The following PLEKHH1 variants were observed in gnomAD, a reference collection of about 807,000 sequenced individuals.
The protein encoded by PLEKHH1 is pleckstrin homology, MyTH4 and FERM domain containing H1, also known as pleckstrin homology domain-containing family H member 1.
PLEKHH1 carries 104 observed loss-of-function variants against 160.0 expected under a neutral mutation model. The observed-to-expected ratio is 0.65, with a 90% confidence interval of 0.55 to 0.76. PLEKHH1 has a LOEUF of 0.76. Among genes scored for constraint, PLEKHH1 ranks in the 30% least tolerant of loss-of-function variants. PLEKHH1 has a pLI of 0.00. For synonymous variants in PLEKHH1, 619 were observed against 678.4 expected (o/e 0.91, Z 1.36); for missense variants, 1,427 against 1,724.1 (o/e 0.83, Z 3.05).
intron 9 of PLEKHH1, chr14:67,571,289 A>G (rs1249685930): frequency 6.2e-6 from 1 of 161,942 alleles, no homozygotes; most frequent in Non-Finnish European, 1.4e-5. Flanking sequence ...CCTTCTAAAA[A>G]TGCCTTACAC....
chr14:67,566,589 G>C (rs568963194), intron 7 of PLEKHH1, among the ~76,000 whole-genome samples: 1 of 152,072 alleles, frequency 6.6e-6, no homozygotes, highest in South Asian at 2.1e-4. Context: ...TACCAAAAAA[G>C]ATACAAAAAT....
chr14:67,549,860 A>G (rs2034326412), intron 2 of PLEKHH1, among the ~76,000 whole-genome samples: 1 of 152,254 alleles, frequency 6.6e-6, no homozygotes. Context: ...TTGCTAAAGA[A>G]AAGCTCTGTG....
At chr14:67,585,880 A>T in intron 27 of PLEKHH1, 71 bp from the exon 28 acceptor site, 1 of 1,487,660 alleles carries the variant, frequency 6.7e-7, no homozygotes, top group Non-Finnish European at 9.2e-7. Context: ...TAGAAGAGAC[A>T]GGGGATGCTG....
intron 2 of PLEKHH1, among the ~76,000 whole-genome samples, chr14:67,548,026 T>G (rs1362314514): frequency 6.6e-6 from 1 of 152,150 alleles, no homozygotes; most frequent in Admixed American, 6.5e-5. Flanking sequence ...TTTCTTCCAG[T>G]AGAGGAGGCT....
At position 67,575,863 on chromosome 14, in the gene PLEKHH1, AG is replaced by A. The variant is rs748582481; in HGVS notation, c.2212del (p.Glu738LysfsTer2). 1 of 1,613,948 alleles carries A rather than the reference AG, an allele frequency of 6.2e-7. No individual in the cohort carries two copies. Among genetic ancestry groups the A allele is most frequent in the Non-Finnish European group, 8.5e-7 (1 of 1,179,848 alleles). Reference protein sequence around the residue: ...GCLPVRDAHIEEVDRSCDSDE... With the variant: ...GCLPVRDAHIXEVDRSCDSDE... ...CTGCCTGTGCGGGATGCGCACATAG[AG>A]GAAGTAGATCGATCCTGTGACTCAG... is the stretch of plus-strand genomic sequence containing the variant. On this transcript the variant is annotated frameshift_variant, in exon 16 of 29. Coordinates refer to ENST00000329153, the MANE Select transcript of PLEKHH1 (RefSeq NM_020715.3). LOFTEE classifies it high-confidence loss of function.
intron 1 of PLEKHH1, among the ~76,000 whole-genome samples, chr14:67,541,156 G>T (rs1215417597): frequency 1.3e-5 from 2 of 152,204 alleles, no homozygotes; most frequent in Non-Finnish European, 1.5e-5. Context: ...ATAGAAGATT[G>T]TCAAAGACAT....
In PLEKHH1 at chr14:67,538,167, T is replaced by C. The variant is rs374627109; in HGVS notation, c.-34-3667T>C. 2.4e-4 allele frequency among the ~76,000 whole-genome samples: 36 copies of C among 152,338 alleles called. No individual in the cohort carries two copies. The East Asian group carries it at 3.1e-3, about 13-fold the overall frequency. On this transcript the variant is annotated intron_variant, in intron 1 of 28. Transcript: ENST00000329153. ...TTTCCAGCTCACTTCCCCTCTCTCA[T>C]TTCCCCATTTATTTTTTGCCATTAA...
rs1358553170 is a variant in PLEKHH1 at position 67,575,373 on chromosome 14, G to A, written c.2089-19G>A. The A allele has an allele frequency of 2.0e-6, 3 of 1,532,044 alleles. No homozygotes were observed. The highest frequency in any genetic ancestry group is 1.8e-6 in the Non-Finnish European group (2 of 1,113,678). 94.9% of individuals were successfully genotyped at this position (1,532,044 alleles called of 1,614,324 possible). On this transcript the variant is annotated intron_variant, in intron 14 of 28. Transcript: ENST00000329153. Reference sequence around the variant, plus strand: ...GAGTTACCTAGTTCTCATAATGCCAGTTCATTTCTGTCTTACAGGTAAAGC... The same window carrying A: ...GAGTTACCTAGTTCTCATAATGCCAATTCATTTCTGTCTTACAGGTAAAGC...
intron 28 of PLEKHH1, 188 bp downstream of exon 28, chr14:67,586,285 A>G (rs182009975): frequency 2.4e-4 from 256 of 1,087,280 alleles, no homozygotes; most frequent in Non-Finnish European, 2.6e-4. Context: ...TTCAGCTAGT[A>G]GGTAAAGGGA....
At position 67,587,498 on chromosome 14, in the gene PLEKHH1, C is replaced by G. The variant is rs1781294879; in HGVS notation, c.*263C>G. The G allele has an allele frequency of 2.0e-6, 1 of 489,022 alleles. No individual in the cohort carries two copies. The highest frequency in any genetic ancestry group is 3.7e-6 in the Non-Finnish European group (1 of 269,208). The allele number at this position is 489,022 out of a possible 1,614,324, so 30.3% of individuals were successfully genotyped here. On this transcript the variant is annotated 3_prime_UTR_variant, in exon 29 of 29. Coordinates refer to ENST00000329153, the MANE Select transcript of PLEKHH1 (RefSeq NM_020715.3). ...TAATGACTCCAGATGCTACCTGATTCTAGACATAGACAGGGATGATCCACT... is the reference window on the plus strand; with the variant it reads ...TAATGACTCCAGATGCTACCTGATTGTAGACATAGACAGGGATGATCCACT...
At chr14:67,571,040 A>G (rs140107005) in intron 9 of PLEKHH1, 4 of 152,348 alleles carry the variant, frequency 2.6e-5, no homozygotes, top group African/African-American at 9.6e-5. Context: ...CTCCTTCTAT[A>G]GGTGTCCAGT....
chr14:67,563,170 T>A (rs1228362750), intron 7 of PLEKHH1, among the ~76,000 whole-genome samples: 2 of 152,224 alleles, frequency 1.3e-5, no homozygotes, highest in African/African-American at 4.8e-5. Context: ...TCTCATTTAA[T>A]CTTTGTGAGT....
At chr14:67,558,649 G>C (rs1479619164) in intron 4 of PLEKHH1, among the ~76,000 whole-genome samples, 3 of 152,200 alleles carry the variant, frequency 2.0e-5, no homozygotes, top group African/African-American at 7.2e-5. Flanking sequence ...AAAAGGCACT[G>C]TTTTGTGAGT....
chr14:67,560,246 C>T (rs1475777474), intron 5 of PLEKHH1, among the ~76,000 whole-genome samples: 4 of 152,018 alleles, frequency 2.6e-5, no homozygotes, highest in African/African-American at 4.8e-5. Flanking sequence ...AGGCTGGTCT[C>T]GAACTCCTGA....
intron 22 of PLEKHH1, among the ~76,000 whole-genome samples, chr14:67,580,647 G>A (rs2035850502): frequency 6.6e-6 from 1 of 152,252 alleles, no homozygotes; most frequent in Admixed American, 6.5e-5. Flanking sequence ...TGGAGCTGGT[G>A]TTCGAAGGCC....
In PLEKHH1 at chr14:67,585,593, A is replaced by T. The variant is rs1437511756; in HGVS notation, c.3725A>T (p.Asn1242Ile). The change falls in exon 27 of 29, where the codon AAC (asparagine) becomes ATC (isoleucine). Residue 1242 changes from asparagine (N) to isoleucine (I), a missense_variant. By Grantham distance (149) the Asn-to-Ile change is moderately radical. This residue lies in a region of PLEKHH1 where 56 missense variants were observed against 53.0 expected (regional missense o/e 1.06). Transcript: ENST00000329153. ...AQPAQLSSKE[N>I]ALVWIAVNED... is the part of the protein sequence containing the mutation. ...CCTGCCCAGCTGTCTTCCAAGGAGA[A>T]CGCTCTGGTGTGGATTGCTGTGAAT... 1.6e-5 allele frequency: 26 copies of T among 1,584,714 alleles called. No individual in the cohort carries two copies. Among genetic ancestry groups the T allele is most frequent in the Non-Finnish European group, 2.2e-5 (26 of 1,164,414 alleles).
Position 67,579,851 on chromosome 14 carries a change from A to T in PLEKHH1, c.3158A>T (p.Glu1053Val). 1 of 1,604,986 alleles carries T rather than the reference A, an allele frequency of 6.2e-7. No homozygotes were observed. Among genetic ancestry groups the T allele is most frequent in the South Asian group, 1.1e-5 (1 of 88,918 alleles). The change falls in exon 22 of 29, where the codon GAG (glutamate) becomes GTG (valine). Residue 1053 changes from glutamate to valine, a missense_variant. Glu to Val is a moderately radical substitution (Grantham distance 121). This residue lies in a region of PLEKHH1 where 436 missense variants were observed against 607.5 expected (regional missense o/e 0.72). Coordinates refer to ENST00000329153, the MANE Select transcript of PLEKHH1 (RefSeq NM_020715.3). ...FTDDPSGRDL[E>V]HCLQGSVKIC... ...GACGATCCCTCGGGCAGGGACCTGG[A>T]GCACTGCCTGCAGGGAAGTGTCAAG...
At position 67,555,811 on chromosome 14, in the gene PLEKHH1, C is replaced by G; in HGVS notation, c.127-14C>G. The G allele has an allele frequency of 6.2e-7, 1 of 1,612,960 alleles. No individual in the cohort carries two copies. Among genetic ancestry groups the G allele is most frequent in the Non-Finnish European group, 8.5e-7 (1 of 1,179,456 alleles). On this transcript the variant is annotated splice_polypyrimidine_tract_variant and intron_variant, in intron 2 of 28. Transcript: ENST00000329153. Reference sequence around the variant, plus strand: ...CATGGCACCTACATCTCCCCTTTCTCTCTGGCCAAGCAGATGCAGGAGCTG... The same window carrying G: ...CATGGCACCTACATCTCCCCTTTCTGTCTGGCCAAGCAGATGCAGGAGCTG...
rs765227940 is a variant in PLEKHH1, at chr14:67,562,010, G to A, written c.480G>A (p.Val160=). Residue 160 remains valine (V), a synonymous_variant, in exon 6 of 29, where the codon GTG becomes GTA. Transcript: ENST00000329153. ...ATAATCAGCGCCTGGTGGAGCAGGT[G>A]GGATCCCTTCAAGATGCGCTAGAAG... The part of the protein sequence containing the change: ...KSHNQRLVEQ[V]GSLQDALEAI... 1.2e-6 allele frequency: 2 copies of A among 1,613,814 alleles called. No homozygotes were observed. The highest frequency in any genetic ancestry group is 4.5e-5 in the East Asian group (2 of 44,884).
Sources: allele counts gnomAD v4.1 joint callset (sites outside exome capture counted in the v4.1 genomes callset), GRCh38; gene constraint gnomAD v4.1.1; regional missense constraint gnomAD v4.1.1; transcripts MANE v1.5; gene names NCBI Gene and HGNC (gene_info 2026-07-23, HGNC 2026-07-21).